Variants in MYO16 observed in about 807,000 individuals in gnomAD.
MYO16 encodes the protein unconventional myosin-XVI.
Under a neutral mutation model 205.3 loss-of-function variants are expected in MYO16, and 94 were observed. That is an observed-to-expected ratio of 0.46 (90% CI 0.39 to 0.54). MYO16 has a LOEUF of 0.54. Ranked by LOEUF, MYO16 falls within the 20% of genes least tolerant of loss-of-function variation. The pLI, the probability that MYO16 is intolerant of heterozygous loss-of-function variation, is 0.00. For missense variants in MYO16, 2,315 were observed against 2,387.5 expected, an observed-to-expected ratio of 0.97 and a Z score of 0.63; for synonymous variants, 988 against 954.0, an observed-to-expected ratio of 1.04 and a Z score of -0.66.
intron 23 of MYO16, among the ~76,000 whole-genome samples, chr13:109,037,382 T>G (rs756099734): frequency 1.3e-5 from 2 of 152,194 alleles, no homozygotes; most frequent in Non-Finnish European, 2.9e-5. Flanking sequence ...ATTTCCTTCA[T>G]AAGTTGTCAA....
intron 23 of MYO16, among the ~76,000 whole-genome samples, chr13:109,040,385 C>CACAGAGAGAGAGAG (rs1394314811): frequency 9.1e-4 from 103 of 113,270 alleles, no homozygotes; most frequent in Middle Eastern, 4.3e-3. Flanking sequence ...CACACACACA[C>CACAGAGAGAGAGAG]AGAGAGAGAG....
At chr13:108,671,376 C>T (rs1881982705) in intron 2 of MYO16, among the ~76,000 whole-genome samples, 1 of 152,056 alleles carries the variant, frequency 6.6e-6, no homozygotes, top group South Asian at 2.1e-4. Flanking sequence ...ATTGTTAATG[C>T]CTTGTGAGAG....
intron 32 of MYO16, among the ~76,000 whole-genome samples, chr13:109,144,368 A>G (rs933837649): frequency 9.2e-5 from 14 of 152,164 alleles, no homozygotes; most frequent in African/African-American, 3.4e-4. Context: ...ACAAGTTCGG[A>G]TATCATGTTC....
chr13:108,959,338 G>A (rs559144761), intron 17 of MYO16, among the ~76,000 whole-genome samples: 1 of 152,224 alleles, frequency 6.6e-6, no homozygotes, highest in South Asian at 2.1e-4. Context: ...TGCCTGAAAT[G>A]TCTGCTTCCT....
chr13:108,993,130 G>A (rs550766239), intron 21 of MYO16, among the ~76,000 whole-genome samples: 1 of 152,220 alleles, frequency 6.6e-6, no homozygotes, highest in South Asian at 2.1e-4. Flanking sequence ...TATAGTACGG[G>A]AAGAATTACA....
the MYO16 span, among the ~76,000 whole-genome samples, chr13:108,529,030 A>T: frequency 6.6e-6 from 1 of 151,992 alleles, no homozygotes; most frequent in African/African-American, 2.4e-5. Context: ...ACATTTCCAA[A>T]TCTTTCAGAA....
At chr13:108,544,656 A>C in the MYO16 span, among the ~76,000 whole-genome samples, 1 of 152,234 alleles carries the variant, frequency 6.6e-6, no homozygotes, top group Non-Finnish European at 1.5e-5. Context: ...GATTGATTTT[A>C]GATCCCCATT....
chr13:109,174,748 C>CTT (rs34606084), intron 33 of MYO16, among the ~76,000 whole-genome samples: 2,108 of 85,592 alleles, frequency 0.025, 115 homozygotes, highest in African/African-American at 0.076. Flanking sequence ...CTTGTCTTGT[C>CTT]TTTTTTTTTT....
At chr13:108,891,120 C>T (rs1399501569) in intron 14 of MYO16, among the ~76,000 whole-genome samples, 1 of 152,146 alleles carries the variant, frequency 6.6e-6, no homozygotes, top group African/African-American at 2.4e-5. Flanking sequence ...ATTTCATTAC[C>T]CCCAGTTTCC....
intron 6 of MYO16, among the ~76,000 whole-genome samples, chr13:108,797,933 T>C (rs1237823094): frequency 6.6e-6 from 1 of 152,230 alleles, no homozygotes; most frequent in Admixed American, 6.5e-5. Flanking sequence ...TCATTTTCAG[T>C]TTTTACTTTC....
At chr13:108,788,532 T>G (rs1298201534) in intron 5 of MYO16, among the ~76,000 whole-genome samples, 1 of 152,146 alleles carries the variant, frequency 6.6e-6, no homozygotes, top group Non-Finnish European at 1.5e-5. Flanking sequence ...ACAGAAATAT[T>G]CATGTCCCTG....
chr13:108,715,082 C>T (rs1358016486), intron 3 of MYO16, among the ~76,000 whole-genome samples: 7 of 152,176 alleles, frequency 4.6e-5, no homozygotes, highest in Admixed American at 3.3e-4. Flanking sequence ...TGCTTATGGC[C>T]ACACCATGAT....
intron 12 of MYO16, among the ~76,000 whole-genome samples, chr13:108,876,084 A>G (rs1879310380): frequency 6.6e-6 from 1 of 150,754 alleles, no homozygotes; most frequent in African/African-American, 2.4e-5. Flanking sequence ...TTTTCAAACA[A>G]GAACAGAAAT....
chr13:108,868,898 C>T lies in MYO16; in HGVS notation c.1425+2656C>T, dbSNP rs192414067. 1.9e-3 allele frequency among the ~76,000 whole-genome samples: 259 copies of T among 137,172 alleles called. 1 individual carries two copies. The highest frequency in any genetic ancestry group is 0.018 in the Admixed American group (234 of 13,054). 90.0% of individuals were successfully genotyped at this position (137,172 alleles called of 152,430 possible). On this transcript the variant is annotated intron_variant, in intron 12 of 34. Coordinates refer to ENST00000457511, the MANE Select transcript of MYO16 (RefSeq NM_001198950.3). ...TCGTGCCACTGCACTCCAGGCTGGG[C>T]AACAGAGTGAGACTCTGTCAAAAAA...
At position 108,849,622 on chromosome 13, in the gene MYO16, TGTGTGTG is replaced by T. The variant is rs1877729937; in HGVS notation, c.1248+5130_1248+5136del. ...AAATCCTGTTGAATTTCCTCTTTTGTGTGTGTGTGTGTGTGTGTGTGTGTGTGTGTGT... is the reference window on the plus strand; with the variant it reads ...AAATCCTGTTGAATTTCCTCTTTTGTTGTGTGTGTGTGTGTGTGTGTGTGT... On this transcript the variant is annotated intron_variant, in intron 10 of 34. Transcript: ENST00000457511. Among the ~76,000 whole-genome samples the T allele has an allele frequency of 1.5e-3, 21 of 13,920 alleles. 1 individual carries two copies. The highest frequency in any genetic ancestry group is 3.4e-3 in the African/African-American group (20 of 5,964). 9.1% of individuals were successfully genotyped at this position (13,920 alleles called of 152,430 possible). A position where few individuals can be genotyped will look rare whatever the true frequency, so the allele number is the denominator to read the frequency against.
At chr13:108,987,373 C>G (rs1884676910) in intron 20 of MYO16, among the ~76,000 whole-genome samples, 1 of 152,164 alleles carries the variant, frequency 6.6e-6, no homozygotes, top group Non-Finnish European at 1.5e-5. Context: ...ATCCTAGAGT[C>G]CCACTTCTTC....
In MYO16 at chr13:109,014,526, G is replaced by A. The variant is rs570489898; in HGVS notation, c.2596-5185G>A. ...AGAAAGTCATTGGTAGCTTGATGGGGATGGCATTGAATCTATAAATTACCT... is the reference window on the plus strand; with the variant it reads ...AGAAAGTCATTGGTAGCTTGATGGGAATGGCATTGAATCTATAAATTACCT... On this transcript the variant is annotated intron_variant, in intron 22 of 34. Coordinates refer to ENST00000457511, the MANE Select transcript of MYO16 (RefSeq NM_001198950.3). Among the ~76,000 whole-genome samples, 457 of 152,218 alleles carry A rather than the reference G, an allele frequency of 3.0e-3. 2 individuals are homozygous for A. Among genetic ancestry groups the A allele is most frequent in the African/African-American group, 0.011 (442 of 41,516 alleles).
chr13:109,016,157 ATT>A (rs1271943769), intron 22 of MYO16, among the ~76,000 whole-genome samples: 1 of 151,932 alleles, frequency 6.6e-6, no homozygotes, highest in Non-Finnish European at 1.5e-5. Context: ...ATTCTGGTAT[ATT>A]GTGTCTTTGT....
intron 2 of MYO16, among the ~76,000 whole-genome samples, chr13:108,711,138 G>A (rs745531802): frequency 6.6e-6 from 1 of 152,160 alleles, no homozygotes; most frequent in Non-Finnish European, 1.5e-5. Flanking sequence ...GAAACAGGAC[G>A]GTTCTTAGAA....
Sources: allele counts gnomAD v4.1 joint callset (sites outside exome capture counted in the v4.1 genomes callset), GRCh38; gene constraint gnomAD v4.1.1; transcripts MANE v1.5; gene names NCBI Gene and HGNC (gene_info 2026-07-23, HGNC 2026-07-21).